The following VPS11 variants were observed in gnomAD, a reference collection of about 807,000 sequenced individuals.
VPS11 encodes the protein vacuolar protein sorting-associated protein 11 homolog.
A neutral mutation model predicts 106.8 loss-of-function variants in VPS11; 51 were observed. The observed-to-expected ratio is 0.48, with a 90% CI of 0.38 to 0.60. VPS11 has a LOEUF of 0.60. Ranked by LOEUF, VPS11 falls within the 20% of genes least tolerant of loss-of-function variation. VPS11 has a pLI of 0.00. For missense variants in VPS11, 950 were observed against 1,190.0 expected (o/e 0.80, Z 2.97); for synonymous variants, 453 against 458.7 (o/e 0.99, Z 0.16).
chr11:119,069,999 A>AAAATAAATAAATAAATAAAT (rs140755985), intron 3 of VPS11, among the ~76,000 whole-genome samples: 38,448 of 141,306 alleles, frequency 0.27, 5,465 homozygotes, highest in East Asian at 0.36. Flanking sequence ...ACTCTGTCTC[A>AAAATAAATAAATAAATAAAT]AAATAAATAA....
chr11:119,080,161 C>T (rs528069402), intron 14 of VPS11, among the ~76,000 whole-genome samples: 22 of 152,080 alleles, frequency 1.4e-4, no homozygotes, highest in Non-Finnish European at 3.1e-4. Flanking sequence ...TGGGTTCAAG[C>T]GATTCTCCTG....
chr11:119,071,932 C>T (rs1183806637), intron 5 of VPS11, 89 bp downstream of exon 5: 5 of 1,503,460 alleles, frequency 3.3e-6, no homozygotes, highest in Non-Finnish European at 4.5e-6. Context: ...CTGGATACTG[C>T]CAATCTCCTA....
intron 14 of VPS11, among the ~76,000 whole-genome samples, chr11:119,079,738 G>A (rs1945777731): frequency 6.6e-6 from 1 of 152,086 alleles, no homozygotes; most frequent in African/African-American, 2.4e-5. Context: ...ACCAAGCCCA[G>A]CTAATTTTTG....
At position 119,069,595 on chromosome 11, in the gene VPS11, C is replaced by T. The variant is rs1945290490; in HGVS notation, c.472+18C>T. Reference sequence around the variant, plus strand: ...GGCCATTGGTAAACAGAAGGCAAAACTAACCCTCCTAGATTTGTTATAGAT... The same window carrying T: ...GGCCATTGGTAAACAGAAGGCAAAATTAACCCTCCTAGATTTGTTATAGAT... On this transcript the variant is annotated intron_variant, in intron 3 of 15. Transcript: ENST00000621676. 1 of 1,613,932 alleles carries T rather than the reference C, an allele frequency of 6.2e-7. No homozygotes were observed. The highest frequency in any genetic ancestry group is 1.3e-5 in the African/African-American group (1 of 75,048).
chr11:119,069,392 T>C, intron 2 of VPS11, 48 bp downstream of exon 2: 2 of 1,613,788 alleles, frequency 1.2e-6, no homozygotes, highest in South Asian at 2.2e-5. Flanking sequence ...CTAGGAATGA[T>C]TTTTTGTTGG....
Position 119,078,984 on chromosome 11 carries a change from G to A in VPS11, c.2253G>A (p.Met751Ile). 1 of 1,614,058 alleles carries A rather than the reference G, an allele frequency of 6.2e-7. No individual in the cohort carries two copies. Among genetic ancestry groups the A allele is most frequent in the Non-Finnish European group, 8.5e-7 (1 of 1,179,898 alleles). The change falls in exon 13 of 16, where the codon ATG becomes ATA. Residue 751 changes from methionine to isoleucine, a missense_variant. Around this residue, in one of 3 missense-constraint regions of VPS11, gnomAD observed 453 missense variants for 514.6 expected, o/e 0.88. Coordinates refer to ENST00000621676, the MANE Select transcript of VPS11 (RefSeq NM_021729.6). Reference sequence around the variant, plus strand: ...AGCATATCGAGAACAAGAACCTCATGCCACCTCTTCTAGGTACTTGGGAAG... The same window carrying A: ...AGCATATCGAGAACAAGAACCTCATACCACCTCTTCTAGGTACTTGGGAAG... ...VLKHIENKNL[M>I]PPLLVVQTLA...
intron 4 of VPS11, 91 bp downstream of exon 4, chr11:119,070,488 G>C (rs1945336749): frequency 7.6e-7 from 1 of 1,307,282 alleles, no homozygotes; most frequent in African/African-American, 1.5e-5. Context: ...GGAAAGGTGG[G>C]AGTGTTAAAG....
rs957000926 is a variant in VPS11 at position 119,071,187 on chromosome 11, C to T, written c.637-409C>T. 4.6e-5 allele frequency among the ~76,000 whole-genome samples: 7 copies of T among 151,820 alleles called. No homozygotes were observed. In the East Asian group the frequency reaches 9.7e-4, roughly 21 times the overall value. ...CCAAGCAATCCACCTGCCTCAACCACCCAAAGTGCTGGAATTACAGGCATG... is the reference window on the plus strand; with the variant it reads ...CCAAGCAATCCACCTGCCTCAACCATCCAAAGTGCTGGAATTACAGGCATG... On this transcript the variant is annotated intron_variant, in intron 4 of 15. Transcript: ENST00000621676.
rs1429551238 is a variant in VPS11 at position 119,078,160 on chromosome 11, C to G, written c.1762-13C>G. ...ACTCATTCAGCCTCCTTTTTCCTCT[C>G]TTGCCATCCTAGGCCAACTCTGAGG... On this transcript the variant is annotated splice_polypyrimidine_tract_variant and intron_variant, in intron 10 of 15. Transcript: ENST00000621676. The G allele has an allele frequency of 3.1e-6, 5 of 1,612,128 alleles. No individual in the cohort carries two copies. The highest frequency in any genetic ancestry group is 4.2e-6 in the Non-Finnish European group (5 of 1,179,786).
Position 119,081,321 on chromosome 11 carries a change from A to T in VPS11, c.2661+7A>T, listed in dbSNP as rs782387646. ...TGATCAATTCCAGCATCAGGTGGGG[A>T]TGAGTGGGCTAGATGGGCCAGGGGA... On this transcript the variant is annotated splice_region_variant and intron_variant, in intron 15 of 15. Transcript: ENST00000621676. 6.2e-7 allele frequency: 1 copy of T among 1,613,910 alleles called. No homozygotes were observed. The highest frequency in any genetic ancestry group is 1.1e-5 in the South Asian group (1 of 91,088).
At chr11:119,073,177 T>G in intron 5 of VPS11, 21 bp from the exon 6 acceptor site, 1 of 1,601,908 alleles carries the variant, frequency 6.2e-7, no homozygotes, top group Non-Finnish European at 8.5e-7. Flanking sequence ...AAACATCTGG[T>G]GCTTTTTCTT....
chr11:119,080,390 C>T (rs1276442216), intron 14 of VPS11, among the ~76,000 whole-genome samples: 2 of 145,430 alleles, frequency 1.4e-5, no homozygotes, highest in Non-Finnish European at 3.0e-5. Flanking sequence ...TTTTTTGAGA[C>T]GAAGTCTCGC....
Position 119,073,055 on chromosome 11 carries a change from C to T in VPS11, c.885-143C>T, listed in dbSNP as rs569029689. 156 of 882,338 alleles carry T rather than the reference C, an allele frequency of 1.8e-4. 1 individual carries two copies. The South Asian group carries it at 2.5e-3, about 14-fold the overall frequency. 54.7% of individuals were successfully genotyped at this position (882,338 alleles called of 1,614,324 possible). A position where few individuals can be genotyped will look rare whatever the true frequency, so the allele number is the denominator to read the frequency against. On this transcript the variant is annotated intron_variant, in intron 5 of 15. Transcript: ENST00000621676. Reference sequence around the variant, plus strand: ...TGTTCTCTATGTACAACTACCGGCACAGCGCTGCATGTTATGGGATGAGAG... The same window carrying T: ...TGTTCTCTATGTACAACTACCGGCATAGCGCTGCATGTTATGGGATGAGAG...
rs782540809 is a variant in VPS11, at chr11:119,071,822, G to A, written c.863G>A (p.Arg288His). 3.2e-5 allele frequency: 51 copies of A among 1,613,154 alleles called. No individual in the cohort carries two copies. Among genetic ancestry groups the A allele is most frequent in the African/African-American group, 4.0e-5 (3 of 74,886 alleles). Residue 288 changes from arginine (R) to histidine (H), a missense_variant, in exon 5 of 16, where the codon CGT (arginine) becomes CAT (histidine). Coordinates refer to ENST00000621676, the MANE Select transcript of VPS11 (RefSeq NM_021729.6). ...WFRGYLIIVS[R>H]DRKVSPKSEF... ...AGAGGCTACCTTATCATTGTCTCCC[G>A]TGACCGGAAGGTTTCTCCCAAGTAA...
rs925182182 is a variant in VPS11, at chr11:119,081,739, A to C, written c.*116A>C. 3 of 1,354,120 alleles carry C rather than the reference A, an allele frequency of 2.2e-6. No homozygotes were observed. The highest frequency in any genetic ancestry group is 3.0e-6 in the Non-Finnish European group (3 of 1,004,794). 83.9% of individuals were successfully genotyped at this position (1,354,120 alleles called of 1,614,324 possible). On this transcript the variant is annotated 3_prime_UTR_variant, in exon 16 of 16. Transcript: ENST00000621676. ...CATGCCCAGGGCTCCACTCTCATCT[A>C]ATGTCACAGCCCTCAGAACTAAAGC...
In VPS11 at chr11:119,081,607, C is replaced by T; in HGVS notation, c.2810C>T (p.Ser937Phe). 7 of 1,613,900 alleles carry T rather than the reference C, an allele frequency of 4.3e-6. No individual in the cohort carries two copies. Among genetic ancestry groups the T allele is most frequent in the Non-Finnish European group, 5.9e-6 (7 of 1,179,888 alleles). Reference protein sequence around the residue: ...AGLQRDLLMHSRRGT With the variant: ...AGLQRDLLMHFRRGT The stretch of plus-strand genomic sequence containing the variant: ...CTGCAACGCGACCTACTCATGCACT[C>T]CAGGAGGGGCACTTAAGCAGCCTGG... Residue 937 changes from serine (S) to phenylalanine (F), a missense_variant, in exon 16 of 16, where the codon TCC becomes TTC. Around this residue, in one of 3 missense-constraint regions of VPS11, gnomAD observed 453 missense variants for 514.6 expected, o/e 0.88. Transcript: ENST00000621676.
In VPS11 at chr11:119,081,540, G is replaced by A. The variant is rs1368832392; in HGVS notation, c.2743G>A (p.Asp915Asn). 5.6e-6 allele frequency: 9 copies of A among 1,613,806 alleles called. No homozygotes were observed. The highest frequency in any genetic ancestry group is 1.1e-5 in the South Asian group (1 of 91,082). Reference sequence around the variant, plus strand: ...TTTCAACAAATTGACTCTGCTGACCGACCCTCCCACAGCCAGACTGACCTC... The same window carrying A: ...TTTCAACAAATTGACTCTGCTGACCAACCCTCCCACAGCCAGACTGACCTC... ...GVFNKLTLLT[D>N]PPTARLTSSL... The change falls in exon 16 of 16, where the codon GAC becomes AAC. Residue 915 changes from aspartate to asparagine, a missense_variant. This residue lies in a region of VPS11 where 453 missense variants were observed against 514.6 expected (regional missense o/e 0.88). Coordinates refer to ENST00000621676, the MANE Select transcript of VPS11 (RefSeq NM_021729.6).
rs914016482 is a variant in VPS11, at chr11:119,078,547, G to A, written c.1924-18G>A. 10 of 1,604,822 alleles carry A rather than the reference G, an allele frequency of 6.2e-6. No individual in the cohort carries two copies. In the African/African-American group the frequency reaches 1.2e-4, roughly 19 times the overall value. Reference sequence around the variant, plus strand: ...TTTTCCCCTTTTGTCCAGCAGCTCTGCCCTCCTTCCTCTCCAGGTCAAAGA... The same window carrying A: ...TTTTCCCCTTTTGTCCAGCAGCTCTACCCTCCTTCCTCTCCAGGTCAAAGA... On this transcript the variant is annotated intron_variant, in intron 11 of 15. Transcript: ENST00000621676.
At chr11:119,079,748 GGATTTTTA>G (rs1176749124) in intron 14 of VPS11, among the ~76,000 whole-genome samples, 1 of 152,012 alleles carries the variant, frequency 6.6e-6, no homozygotes, top group Admixed American at 6.6e-5. Context: ...GCTAATTTTT[GGATTTTTA>G]GTAGAGATGG....
Sources: allele counts gnomAD v4.1 joint callset (sites outside exome capture counted in the v4.1 genomes callset), GRCh38; gene constraint gnomAD v4.1.1; regional missense constraint gnomAD v4.1.1; transcripts MANE v1.5; gene names NCBI Gene and HGNC (gene_info 2026-07-23, HGNC 2026-07-21).